The following PHIP variants were observed in gnomAD, a reference collection of about 807,000 sequenced individuals.
PHIP encodes the protein PHIP subunit of CUL4-Ring ligase complex, also known as PH-interacting protein.
PHIP carries 54 observed loss-of-function variants against 236.8 expected under a neutral mutation model. The observed-to-expected ratio is 0.23, with a 90% CI of 0.18 to 0.29. The LOEUF (loss-of-function observed/expected upper bound fraction) is 0.29. Ranked by LOEUF, PHIP falls within the 10% of genes least tolerant of loss-of-function variation. The pLI, the probability that PHIP is intolerant of heterozygous loss-of-function variation, is 1.00. For missense variants in PHIP, 1,370 were observed against 2,190.8 expected (o/e 0.63, Z 7.48); for synonymous variants, 756 against 718.9 (o/e 1.05, Z -0.83).
At position 78,939,428 on chromosome 6, in the gene PHIP, G is replaced by A. The variant is rs1773387004; in HGVS notation, c.*1265C>T. ...TATAAAACATGATTGCATAAAAAGT[G>A]ATTTGGCCTATTTTAACCTTTAATA... On this transcript the variant is annotated 3_prime_UTR_variant, in exon 40 of 40. Transcript: ENST00000275034. The A allele has an allele frequency of 6.6e-6, 1 of 151,698 alleles. No homozygotes were observed. The highest frequency in any genetic ancestry group is 1.5e-5 in the Non-Finnish European group (1 of 67,686). The allele number at this position is 151,698 out of a possible 1,614,324, so 9.4% of individuals were successfully genotyped here. A position where few individuals can be genotyped will look rare whatever the true frequency, so the allele number is the denominator to read the frequency against.
intron 4 of PHIP, among the ~76,000 whole-genome samples, chr6:79,073,776 C>A (rs748615209): frequency 6.6e-6 from 1 of 152,022 alleles, no homozygotes; most frequent in African/African-American, 2.4e-5. Flanking sequence ...CATTTTACAA[C>A]GTAGTTAGTG....
chr6:79,010,104 A>T (rs1490327384), intron 15 of PHIP, among the ~76,000 whole-genome samples: 1 of 150,102 alleles, frequency 6.7e-6, no homozygotes, highest in African/African-American at 2.4e-5. Context: ...GGAGAAAGGG[A>T]GGGTTGGGTG....
At chr6:78,982,771 T>G in intron 23 of PHIP, 115 bp downstream of exon 23, 1 of 639,882 alleles carries the variant, frequency 1.6e-6, no homozygotes, top group Non-Finnish European at 2.6e-6. Flanking sequence ...CTGAGTTTTT[T>G]CTATTATTAT....
rs1582203319 is a variant in PHIP at position 79,002,131 on chromosome 6, A to G, written c.1654-7T>C. On this transcript the variant is annotated splice_region_variant and splice_polypyrimidine_tract_variant and intron_variant, in intron 16 of 39. Transcript: ENST00000275034. ...AGAACATCTGATCTGCTATCTGCAAAAAGAAAAGTCCATAAAAGACTGGAA... is the reference window on the plus strand; with the variant it reads ...AGAACATCTGATCTGCTATCTGCAAGAAGAAAAGTCCATAAAAGACTGGAA... 3 of 1,590,628 alleles carry G rather than the reference A, an allele frequency of 1.9e-6. No homozygotes were observed. The East Asian group carries it at 6.7e-5, about 36-fold the overall frequency.
chr6:78,969,376 T>C lies in PHIP; in HGVS notation c.3205+459A>G, dbSNP rs553644366. 3.5e-4 allele frequency among the ~76,000 whole-genome samples: 53 copies of C among 152,346 alleles called. No homozygotes were observed. The South Asian group carries it at 0.011, about 32-fold the overall frequency. ...GGCACATCATCTATATGTAAATTAA[T>C]GCACCTTAAGTGCCTGAAAACTTTT... On this transcript the variant is annotated intron_variant, in intron 27 of 39. Transcript: ENST00000275034.
chr6:79,002,853 T>C (rs1770074807), intron 16 of PHIP, among the ~76,000 whole-genome samples: 1 of 152,122 alleles, frequency 6.6e-6, no homozygotes, highest in Non-Finnish European at 1.5e-5. Context: ...ATTTGTGTAA[T>C]ATTACTATAA....
intron 19 of PHIP, among the ~76,000 whole-genome samples, chr6:78,992,488 T>C (rs1338038663): frequency 6.6e-6 from 1 of 152,132 alleles, no homozygotes; most frequent in Non-Finnish European, 1.5e-5. Context: ...GTGCATTTTT[T>C]TTTTTCACAA....
chr6:78,961,541 C>T, intron 31 of PHIP, 149 bp downstream of exon 31: 1 of 669,408 alleles, frequency 1.5e-6, no homozygotes, highest in Non-Finnish European at 2.4e-6. Context: ...TCCAAATCTA[C>T]TGAATAAGAT....
At chr6:78,964,620 GT>G (rs1221173475) in intron 29 of PHIP, among the ~76,000 whole-genome samples, 6 of 152,066 alleles carry the variant, frequency 3.9e-5, no homozygotes, top group Non-Finnish European at 8.8e-5. Context: ...AACCTTCTGA[GT>G]AGCTGGGACT....
intron 39 of PHIP, among the ~76,000 whole-genome samples, chr6:78,944,076 A>G (rs1773667660): frequency 6.6e-6 from 1 of 151,670 alleles, no homozygotes; most frequent in Admixed American, 6.6e-5. Context: ...CGATATTTTA[A>G]GTGAGACGTG....
intron 35 of PHIP, among the ~76,000 whole-genome samples, chr6:78,953,033 A>C (rs937986754): frequency 6.6e-6 from 1 of 151,582 alleles, no homozygotes; most frequent in Non-Finnish European, 1.5e-5. Context: ...ACTCCCTTAT[A>C]TAGGTGTTGT....
chr6:78,969,320 T>A (rs953863267), intron 27 of PHIP, among the ~76,000 whole-genome samples: 5 of 152,228 alleles, frequency 3.3e-5, no homozygotes, highest in Non-Finnish European at 7.3e-5. Context: ...TGGTCCTATA[T>A]GAAATTTTTA....
At chr6:79,011,538 TGCCCTATGTTA>T (rs774118041) in intron 15 of PHIP, among the ~76,000 whole-genome samples, 4 of 151,808 alleles carry the variant, frequency 2.6e-5, no homozygotes, top group Non-Finnish European at 4.4e-5. Flanking sequence ...TTCCATTTCA[TGCCCTATGTTA>T]GCCTCTTTTA....
Position 78,940,607 on chromosome 6 carries a change from G to T in PHIP, c.*86C>A. 1 of 252,622 alleles carries T rather than the reference G, an allele frequency of 4.0e-6. No individual in the cohort carries two copies. The highest frequency in any genetic ancestry group is 1.0e-4 in the East Asian group (1 of 9,740). The allele number at this position is 252,622 out of a possible 1,614,324, so 15.6% of individuals were successfully genotyped here. ...TCATAACATTCCCTACTCCACCACA[G>T]CAGCAAGGAAGCAGAAGCCTTAGTT... On this transcript the variant is annotated 3_prime_UTR_variant, in exon 40 of 40. Transcript: ENST00000275034.
At chr6:79,054,005 C>G (rs977000797) in intron 6 of PHIP, among the ~76,000 whole-genome samples, 1 of 151,780 alleles carries the variant, frequency 6.6e-6, no homozygotes, top group African/African-American at 2.4e-5. Flanking sequence ...AGTTTTGCCC[C>G]CTTTTTTTTG....
intron 33 of PHIP, among the ~76,000 whole-genome samples, 161 bp from the exon 34 acceptor site, chr6:78,955,443 T>A (rs767872418): frequency 2.9e-4 from 44 of 151,876 alleles, no homozygotes; most frequent in Admixed American, 5.9e-4. Context: ...CATTAAAAAA[T>A]TTTTTTTAAC....
chr6:79,011,411 AAAC>A (rs1019743428), intron 15 of PHIP, among the ~76,000 whole-genome samples: 8 of 151,866 alleles, frequency 5.3e-5, no homozygotes, highest in Admixed American at 1.3e-4. Context: ...TAAAAAAGAA[AAAC>A]AACAACAACA....
intron 7 of PHIP, among the ~76,000 whole-genome samples, chr6:79,034,226 A>G (rs180880864): frequency 1.9e-3 from 288 of 152,346 alleles, no homozygotes; most frequent in Non-Finnish European, 3.7e-3. Context: ...TAAAAAATAC[A>G]GTATTTGCAA....
rs970581701 is a variant in PHIP at position 78,966,123 on chromosome 6, C to T, written c.3206-67G>A. 2.3e-5 allele frequency: 23 copies of T among 989,064 alleles called. No homozygotes were observed. The East Asian group carries it at 2.9e-4, about 12-fold the overall frequency. The allele number at this position is 989,064 out of a possible 1,614,324, so 61.3% of individuals were successfully genotyped here. On this transcript the variant is annotated intron_variant, in intron 27 of 39. Transcript: ENST00000275034. ...GGCTGCTGTCACTGCTTTTTCCTAACGTTAACCTTTAAGTACCTAAACTGC... is the reference window on the plus strand; with the variant it reads ...GGCTGCTGTCACTGCTTTTTCCTAATGTTAACCTTTAAGTACCTAAACTGC...
Sources: gnomAD v4.1 joint callset for allele counts (sites outside exome capture counted in the v4.1 genomes callset) on GRCh38, gnomAD v4.1.1 for gene constraint, MANE v1.5 for transcripts, NCBI Gene and HGNC (gene_info 2026-07-23, HGNC 2026-07-21) for gene names.